The following DIPK2B variants were observed in gnomAD, a reference collection of about 807,000 sequenced individuals.
DIPK2B encodes the protein divergent protein kinase domain 2B, also known as UPF0672 protein CXorf36.
DIPK2B carries 15 observed loss-of-function variants against 22.2 expected under a neutral mutation model. The ratio of observed to expected loss-of-function variants is 0.68; its 90% CI spans 0.45 to 1.04. DIPK2B has a LOEUF of 1.04. Ranked by LOEUF, DIPK2B falls within the 50% of genes least tolerant of loss-of-function variation. The probability of loss-of-function intolerance (pLI) is 0.00; values close to 1 mark genes in which losing one functional copy is unlikely to be tolerated. For missense variants in DIPK2B, 345 were observed against 348.3 expected, an observed-to-expected ratio of 0.99 and a Z score of 0.08; for synonymous variants, 163 against 153.2, an observed-to-expected ratio of 1.06 and a Z score of -0.47.
At chrX:45,167,318 A>G (rs1009710966) in intron 2 of DIPK2B, among the ~76,000 whole-genome samples, 40 of 109,761 alleles carry the variant, frequency 3.6e-4, no homozygotes, top group African/African-American at 1.3e-3. Flanking sequence ...TAGGGAGACC[A>G]TGTGTCTACA....
chrX:45,187,832 C>G (rs1233938094), intron 2 of DIPK2B, among the ~76,000 whole-genome samples: 1 of 111,101 alleles, frequency 9.0e-6, no homozygotes, highest in Admixed American at 9.6e-5. Context: ...TGTCAGTTCT[C>G]TGAAAAGAGC....
At chrX:45,174,470 T>C (rs963751232) in intron 2 of DIPK2B, among the ~76,000 whole-genome samples, 20 of 110,941 alleles carry the variant, frequency 1.8e-4, no homozygotes, top group African/African-American at 6.2e-4. Context: ...ACAAATGCTA[T>C]AAGAGATGTA....
At chrX:45,157,664 G>T in intron 3 of DIPK2B, 51 bp downstream of exon 3, 1 of 1,118,674 alleles carries the variant, frequency 8.9e-7, no homozygotes, top group Non-Finnish European at 1.2e-6. Flanking sequence ...GAGGCTTCTG[G>T]GAGTCCAAGA....
intron 3 of DIPK2B, among the ~76,000 whole-genome samples, chrX:45,155,372 G>A (rs1428780881): frequency 9.2e-6 from 1 of 108,965 alleles, no homozygotes; most frequent in Non-Finnish European, 1.9e-5. Context: ...GCAGTGAGCC[G>A]AGATCGTGCC....
intron 2 of DIPK2B, among the ~76,000 whole-genome samples, chrX:45,190,333 G>T (rs778956843): frequency 7.1e-5 from 8 of 111,953 alleles, no homozygotes; most frequent in Non-Finnish European, 1.5e-4. Context: ...AGATCATCCA[G>T]AAGCCCTCTT....
chrX:45,178,198 C>A (rs1184141933), intron 2 of DIPK2B, among the ~76,000 whole-genome samples: 6 of 112,283 alleles, frequency 5.3e-5, no homozygotes, highest in Non-Finnish European at 5.6e-5. Context: ...GGCTGAAAAA[C>A]CACAGGAGTT....
chrX:45,173,624 T>C (rs1239617225), intron 2 of DIPK2B, among the ~76,000 whole-genome samples: 2 of 103,745 alleles, frequency 1.9e-5, no homozygotes, highest in Non-Finnish European at 4.0e-5. Flanking sequence ...GGAGACAGGG[T>C]CTCATCATCT....
intron 2 of DIPK2B, among the ~76,000 whole-genome samples, chrX:45,181,959 C>T (rs1055755267): frequency 9.1e-6 from 1 of 110,411 alleles, no homozygotes; most frequent in African/African-American, 3.3e-5. Context: ...CACCTGTAGT[C>T]CCAGCTACTT....
rs767427261 is a variant in DIPK2B, at chrX:45,200,639, C to T, written c.188G>A (p.Cys63Tyr). The T allele has an allele frequency of 8.2e-7, 1 of 1,212,307 alleles. No individual in the cohort carries two copies. The highest frequency in any genetic ancestry group is 1.8e-5 in the South Asian group (1 of 57,032). ...CTTCTTGCAAATAGATGTCCCGATGCAGGCATTGCATTTATCAAGACCGAG... is the reference window on the plus strand; with the variant it reads ...CTTCTTGCAAATAGATGTCCCGATGTAGGCATTGCATTTATCAAGACCGAG... Reference protein sequence around the residue: ...TFLGLDKCNACIGTSICKKFF... With the variant: ...TFLGLDKCNAYIGTSICKKFF... Residue 63 changes from cysteine to tyrosine, a missense_variant, in exon 1 of 5, where the codon TGC becomes TAC. By Grantham distance (194) the Cys-to-Tyr change is radical. Transcript: ENST00000398000.
intron 1 of DIPK2B, among the ~76,000 whole-genome samples, chrX:45,197,426 C>T (rs900331477): frequency 1.8e-5 from 2 of 111,366 alleles, no homozygotes; most frequent in East Asian, 2.8e-4. Context: ...TTAGTAGAGA[C>T]GGGTTTTCAC....
chrX:45,178,103 T>C (rs2047128496), intron 2 of DIPK2B, among the ~76,000 whole-genome samples: 1 of 111,599 alleles, frequency 9.0e-6, no homozygotes, highest in Non-Finnish European at 1.9e-5. Context: ...AAGTGTGTTA[T>C]TTAAGTCAGA....
intron 2 of DIPK2B, among the ~76,000 whole-genome samples, chrX:45,170,332 A>C (rs1312824691): frequency 9.1e-6 from 1 of 110,372 alleles, no homozygotes; most frequent in Non-Finnish European, 1.9e-5. Flanking sequence ...TGGCCCAGGG[A>C]CAGGTGGCCA....
intron 2 of DIPK2B, among the ~76,000 whole-genome samples, chrX:45,171,860 G>A (rs1386432676): frequency 8.9e-6 from 1 of 112,533 alleles, no homozygotes; most frequent in Non-Finnish European, 1.9e-5. Flanking sequence ...CCTCTGCCTC[G>A]GCAAATAATA....
chrX:45,154,502 A>C (rs1338767258), intron 3 of DIPK2B, among the ~76,000 whole-genome samples: 1 of 111,174 alleles, frequency 9.0e-6, no homozygotes, highest in Non-Finnish European at 1.9e-5. Flanking sequence ...ACCTCTTGGA[A>C]CATGGCAATG....
intron 3 of DIPK2B, among the ~76,000 whole-genome samples, chrX:45,155,431 A>ATAT (rs34203440): frequency 3.4e-3 from 325 of 96,362 alleles, no homozygotes; most frequent in South Asian, 0.014. Context: ...TCAAAAAAAA[A>ATAT]ATATATATAT....
intron 3 of DIPK2B, 57 bp downstream of exon 3, chrX:45,157,658 C>A: frequency 9.1e-7 from 1 of 1,104,956 alleles, no homozygotes. Flanking sequence ...TCCAGGGAGG[C>A]TTCTGGGAGT....
chrX:45,152,085 C>T (rs776737055), intron 4 of DIPK2B, 93 bp from the exon 5 acceptor site: 25 of 851,129 alleles, frequency 2.9e-5, no homozygotes, highest in East Asian at 2.1e-4. Context: ...GGGCCGGGCG[C>T]GGTGGCTCAT....
At chrX:45,175,009 T>C in intron 2 of DIPK2B, among the ~76,000 whole-genome samples, 1 of 111,942 alleles carries the variant, frequency 8.9e-6, no homozygotes, top group South Asian at 3.7e-4. Flanking sequence ...CAGGCCTGTG[T>C]TCAAATCTCA....
rs57660875 is a variant in DIPK2B at position 45,154,278 on chromosome X, CCTATCTATCTAT to C, written c.673-92_673-81del. On this transcript the variant is annotated intron_variant, in intron 3 of 4. Transcript: ENST00000398000. The stretch of plus-strand genomic sequence containing the variant: ...TCTGTCTATTATCTCTATCTATCTC[CCTATCTATCTAT>C]CTATCTATCTATCTATCTATCTATC... 2.1e-3 allele frequency: 1,248 copies of C among 598,493 alleles called. 5 individuals are homozygous for C. In the African/African-American group the frequency reaches 0.022, roughly 10 times the overall value. 49.3% of individuals were successfully genotyped at this position (598,493 alleles called of 1,213,427 possible).
Sources: gnomAD v4.1 joint callset for allele counts (sites outside exome capture counted in the v4.1 genomes callset) on GRCh38, gnomAD v4.1.1 for gene constraint, MANE v1.5 for transcripts, NCBI Gene and HGNC (gene_info 2026-07-23, HGNC 2026-07-21) for gene names.